The following GABRG3 variants were observed in gnomAD, a reference collection of about 807,000 sequenced individuals.
GABRG3 encodes the protein gamma-aminobutyric acid receptor subunit gamma-3.
A neutral mutation model predicts 48.8 loss-of-function variants in GABRG3; 25 were observed. That is an observed-to-expected ratio of 0.51 (90% CI 0.37 to 0.72). The LOEUF is 0.72. Ranked by LOEUF, GABRG3 falls within the 30% of genes least tolerant of loss-of-function variation. The probability of loss-of-function intolerance (pLI) is 0.00; values close to 1 mark genes in which losing one functional copy is unlikely to be tolerated. For missense variants in GABRG3, 394 were observed against 577.9 expected, an observed-to-expected ratio of 0.68 and a Z score of 3.26; for synonymous variants, 227 against 217.6, an observed-to-expected ratio of 1.04 and a Z score of -0.38.
intron 3 of GABRG3, among the ~76,000 whole-genome samples, chr15:27,231,626 G>A (rs971125778): frequency 7.2e-4 from 109 of 152,332 alleles, no homozygotes; most frequent in African/African-American, 2.6e-3. Flanking sequence ...GAGATGAAAG[G>A]CAGGGGCTGG....
chr15:27,343,208 C>A (rs568322844), intron 5 of GABRG3, among the ~76,000 whole-genome samples: 1 of 152,158 alleles, frequency 6.6e-6, no homozygotes, highest in African/African-American at 2.4e-5. Flanking sequence ...GCACCTCCCC[C>A]ACGTGGCAGC....
chr15:27,529,215 G>A (rs1453145888), intron 9 of GABRG3, among the ~76,000 whole-genome samples: 1 of 152,134 alleles, frequency 6.6e-6, no homozygotes, highest in Non-Finnish European at 1.5e-5. Context: ...TATAAATATT[G>A]ACCAAGGTTT....
At chr15:27,255,047 T>G (rs1890569747) in intron 3 of GABRG3, among the ~76,000 whole-genome samples, 2 of 152,150 alleles carry the variant, frequency 1.3e-5, no homozygotes, top group Non-Finnish European at 2.9e-5. Flanking sequence ...CTTTGCAGTT[T>G]GTCCAGGCCC....
rs117320060 is a variant in GABRG3 at position 27,413,995 on chromosome 15, G to A, written c.575-66655G>A. On this transcript the variant is annotated intron_variant, in intron 5 of 9. Transcript: ENST00000615808. ...TTGTATGGATAAAATGTGCAAGGTG[G>A]AGTTCCTTAGAGATGTTAATGCTCA... Among the ~76,000 whole-genome samples the A allele has an allele frequency of 2.8e-4, 42 of 152,300 alleles. 2 individuals carry two copies. In the East Asian group the frequency reaches 7.9e-3, roughly 29 times the overall value.
chr15:27,125,712 C>G (rs1465623965), intron 3 of GABRG3, among the ~76,000 whole-genome samples: 1 of 152,232 alleles, frequency 6.6e-6, no homozygotes, highest in Non-Finnish European at 1.5e-5. Flanking sequence ...TATTAGTATT[C>G]TTTGCGGGAG....
At chr15:27,531,452 C>T (rs1490123595) in intron 9 of GABRG3, among the ~76,000 whole-genome samples, 3 of 152,284 alleles carry the variant, frequency 2.0e-5, no homozygotes, top group African/African-American at 4.8e-5. Flanking sequence ...GAGGTTGTTA[C>T]GATGCTTTCT....
intron 3 of GABRG3, among the ~76,000 whole-genome samples, chr15:27,161,495 C>CT (rs1344005611): frequency 6.6e-6 from 1 of 152,074 alleles, no homozygotes; most frequent in Non-Finnish European, 1.5e-5. Context: ...TTTAATGATG[C>CT]TTTTTGATGA....
intron 3 of GABRG3, among the ~76,000 whole-genome samples, chr15:27,326,262 C>T (rs562789799): frequency 1.3e-4 from 20 of 152,298 alleles, no homozygotes; most frequent in Admixed American, 6.5e-4. Context: ...TTATTTCTTA[C>T]TTTTCTTTTT....
chr15:27,477,671 G>T (rs913027989), intron 5 of GABRG3, among the ~76,000 whole-genome samples: 1 of 152,112 alleles, frequency 6.6e-6, no homozygotes, highest in Admixed American at 6.6e-5. Flanking sequence ...GGGGCAGGGG[G>T]TATACAGGAA....
intron 5 of GABRG3, among the ~76,000 whole-genome samples, chr15:27,439,693 A>G (rs1888725100): frequency 6.6e-6 from 1 of 152,230 alleles, no homozygotes; most frequent in Admixed American, 6.5e-5. Context: ...TGCTCAAGAC[A>G]GTGTACACAG....
intron 5 of GABRG3, among the ~76,000 whole-genome samples, chr15:27,424,271 T>G (rs533714370): frequency 6.6e-6 from 1 of 152,210 alleles, no homozygotes; most frequent in Non-Finnish European, 1.5e-5. Context: ...TCATTTGTGC[T>G]GCTATAACAA....
intron 5 of GABRG3, among the ~76,000 whole-genome samples, chr15:27,430,572 G>A (rs538753871): frequency 1.3e-5 from 2 of 152,188 alleles, no homozygotes; most frequent in East Asian, 1.9e-4. Context: ...ATTAATTTTT[G>A]TATATGATGA....
At chr15:27,477,786 A>C (rs1889985345) in intron 5 of GABRG3, among the ~76,000 whole-genome samples, 1 of 152,178 alleles carries the variant, frequency 6.6e-6, no homozygotes, top group South Asian at 2.1e-4. Context: ...CACACCTGTA[A>C]TCCCAGCACT....
chr15:27,242,868 A>G (rs1002690934), intron 3 of GABRG3, among the ~76,000 whole-genome samples: 2 of 152,254 alleles, frequency 1.3e-5, no homozygotes, highest in African/African-American at 4.8e-5. Context: ...TCTCAGAGAG[A>G]TTGGCACATA....
In GABRG3 at chr15:27,457,721, GTCGCCGTGTTT is replaced by G. The variant is rs551169834; in HGVS notation, c.575-22926_575-22916del. The stretch of plus-strand genomic sequence containing the variant: ...TCCTTACTCTGACCTGATGGTTGCA[GTCGCCGTGTTT>G]TCTGGCCAGTGGTATAACGAGTACC... On this transcript the variant is annotated intron_variant, in intron 5 of 9. Transcript: ENST00000615808. This position sits in a 1 kb window ranked among gnomAD's most constrained non-coding sequence, Gnocchi z 4.4. Among the ~76,000 whole-genome samples the G allele has an allele frequency of 1.2e-4, 18 of 152,286 alleles. 1 individual carries two copies. In the East Asian group the frequency reaches 3.1e-3, roughly 26 times the overall value.
chr15:27,307,760 T>A (rs1566771902), intron 3 of GABRG3, among the ~76,000 whole-genome samples: 1 of 127,202 alleles, frequency 7.9e-6, no homozygotes, highest in African/African-American at 3.0e-5. Context: ...TATAAACATA[T>A]AAAATAAACA....
intron 5 of GABRG3, among the ~76,000 whole-genome samples, chr15:27,453,040 G>T (rs1454090098): frequency 1.3e-5 from 2 of 152,188 alleles, no homozygotes; most frequent in African/African-American, 4.8e-5. Context: ...ATAAGCCACA[G>T]AAAGACAAAT....
At chr15:27,454,396 ACATG>A (rs1889200571) in intron 5 of GABRG3, among the ~76,000 whole-genome samples, 1 of 152,176 alleles carries the variant, frequency 6.6e-6, no homozygotes, top group Non-Finnish European at 1.5e-5. Context: ...GTAGAGGTCT[ACATG>A]CAGGAAAGTT....
chr15:27,245,838 T>C (rs1890253314), intron 3 of GABRG3, among the ~76,000 whole-genome samples: 1 of 152,074 alleles, frequency 6.6e-6, no homozygotes, highest in Admixed American at 6.6e-5. Flanking sequence ...TGGGTGACAG[T>C]GCGAGACTCC....
Sources: allele counts gnomAD v4.1 joint callset (sites outside exome capture counted in the v4.1 genomes callset), GRCh38; gene constraint gnomAD v4.1.1; non-coding constraint Gnocchi (gnomAD v3.1); transcripts MANE v1.5; gene names NCBI Gene and HGNC (gene_info 2026-07-23, HGNC 2026-07-21).